LIMD1: variants seen among roughly 807,000 people sequenced by gnomAD.
LIMD1 encodes LIM domain containing 1, also known as LIM domain-containing protein 1.
Under a neutral mutation model 58.4 loss-of-function variants are expected in LIMD1, and 23 were observed. That is an observed-to-expected ratio of 0.39 (90% CI 0.28 to 0.56). The LOEUF (loss-of-function observed/expected upper bound fraction) is 0.56. Among genes scored for constraint, LIMD1 ranks in the 20% least tolerant of loss-of-function variants. The pLI is 0.57. For missense variants in LIMD1, 838 were observed against 855.5 expected (o/e 0.98, Z 0.25); for synonymous variants, 334 against 345.5 (o/e 0.97, Z 0.37).
chr3:45,632,522 C>G (rs62242174), intron 1 of LIMD1: 877 of 985,314 alleles, frequency 8.9e-4, no homozygotes, highest in Non-Finnish European at 1.0e-3. Flanking sequence ...GGGGAACAGA[C>G]ATGTGTGCCC....
At chr3:45,618,792 C>G (rs1304996819) in intron 1 of LIMD1, among the ~76,000 whole-genome samples, 1 of 152,136 alleles carries the variant, frequency 6.6e-6, no homozygotes, top group African/African-American at 2.4e-5. Context: ...CCAAAACCCA[C>G]TGTTTACAGT....
Position 45,673,458 on chromosome 3 carries a change from C to A in LIMD1, c.1777C>A (p.Leu593Met), listed in dbSNP as rs1697620927. Residue 593 changes from leucine to methionine, a missense_variant, in exon 6 of 8, where the codon CTG becomes ATG. Leu to Met is a conservative substitution (Grantham distance 15). Around this residue, in one of 3 missense-constraint regions of LIMD1, gnomAD observed 174 missense variants for 197.4 expected, o/e 0.88. Transcript: ENST00000273317. ...CTGCTTTGTTTCTCCCCACAGGGTG[C>A]TGGCCCCCAAGTGTGCAGCCTGTGG... is the stretch of plus-strand genomic sequence containing the variant. Reference protein sequence around the residue: ...IYCVRDYHKVLAPKCAACGLP... With the variant: ...IYCVRDYHKVMAPKCAACGLP... 6.2e-7 allele frequency: 1 copy of A among 1,613,634 alleles called. No homozygotes were observed. Among genetic ancestry groups the A allele is most frequent in the Non-Finnish European group, 8.5e-7 (1 of 1,179,670 alleles).
chr3:45,621,195 C>CTCCCT (rs764510265), intron 1 of LIMD1, among the ~76,000 whole-genome samples: 78 of 152,032 alleles, frequency 5.1e-4, no homozygotes, highest in Middle Eastern at 3.4e-3. Context: ...GATTGAATTC[C>CTCCCT]TCCCTTCCCC....
chr3:45,665,768 G>A, intron 3 of LIMD1, 51 bp downstream of exon 3: 1 of 1,540,598 alleles, frequency 6.5e-7, no homozygotes. Flanking sequence ...AGAGTCAGAG[G>A]GCAGGGGCCT....
intron 1 of LIMD1, among the ~76,000 whole-genome samples, chr3:45,621,687 A>G (rs990033120): frequency 3.9e-5 from 6 of 152,092 alleles, no homozygotes; most frequent in Non-Finnish European, 5.9e-5. Flanking sequence ...TAATATTTTG[A>G]TGAGTAGTTT....
At chr3:45,641,661 A>G (rs928241846) in intron 2 of LIMD1, among the ~76,000 whole-genome samples, 1 of 152,182 alleles carries the variant, frequency 6.6e-6, no homozygotes, top group African/African-American at 2.4e-5. Context: ...GGGCAAGTCC[A>G]GGGCCTGACT....
chr3:45,659,952 A>G (rs534640553), intron 2 of LIMD1, among the ~76,000 whole-genome samples: 13 of 152,326 alleles, frequency 8.5e-5, no homozygotes, highest in African/African-American at 2.9e-4. Context: ...GATCTCCTGG[A>G]TGAAAAAGCT....
intron 7 of LIMD1, chr3:45,674,685 C>T (rs1008248438): frequency 1.4e-5 from 5 of 351,822 alleles, no homozygotes; most frequent in East Asian, 9.2e-5. Context: ...CTAGGAGGGT[C>T]GTGGAGAGCA....
intron 1 of LIMD1, among the ~76,000 whole-genome samples, chr3:45,617,996 A>AT (rs1422107032): frequency 6.6e-6 from 1 of 151,882 alleles, no homozygotes; most frequent in African/African-American, 2.4e-5. Flanking sequence ...TCGGGATTTT[A>AT]TTTTTTCTGG....
chr3:45,623,880 C>T (rs183336296), intron 1 of LIMD1, among the ~76,000 whole-genome samples: 194 of 152,286 alleles, frequency 1.3e-3, no homozygotes, highest in South Asian at 6.0e-3. Context: ...GTTGGGCATT[C>T]GCACATCGAT....
intron 2 of LIMD1, among the ~76,000 whole-genome samples, chr3:45,650,400 A>G (rs1004819559): frequency 6.6e-6 from 1 of 152,134 alleles, no homozygotes; most frequent in Non-Finnish European, 1.5e-5. Flanking sequence ...GTTTTGTTAC[A>G]TAGGTATACA....
intron 2 of LIMD1, among the ~76,000 whole-genome samples, chr3:45,648,095 A>G (rs984259044): frequency 7.4e-3 from 1 of 136 alleles, no homozygotes; most frequent in South Asian, 0.17. Context: ...CTAGGTGATC[A>G]GTTTTGGGAA....
In LIMD1 at chr3:45,659,981, T is replaced by G. The variant is rs142627697; in HGVS notation, c.1511-5669T>G. Among the ~76,000 whole-genome samples the G allele has an allele frequency of 2.3e-3, 349 of 152,358 alleles. 2 individuals carry two copies. Among genetic ancestry groups the G allele is most frequent in the African/African-American group, 8.3e-3 (345 of 41,582 alleles). ...AAAAGCTTTCGTTTAATTTGTTTCTTAACACTAGAGGGTTCAGTGCTTCTG... is the reference window on the plus strand; with the variant it reads ...AAAAGCTTTCGTTTAATTTGTTTCTGAACACTAGAGGGTTCAGTGCTTCTG... On this transcript the variant is annotated intron_variant, in intron 2 of 7. Transcript: ENST00000273317.
chr3:45,615,496 G>A (rs1026683629), intron 1 of LIMD1, among the ~76,000 whole-genome samples: 1 of 152,208 alleles, frequency 6.6e-6, no homozygotes, highest in African/African-American at 2.4e-5. Flanking sequence ...TGGCTGGGCA[G>A]TAATCCCAGC....
chr3:45,664,541 C>G (rs765619982), intron 2 of LIMD1, among the ~76,000 whole-genome samples: 8 of 152,216 alleles, frequency 5.3e-5, no homozygotes, highest in Non-Finnish European at 8.8e-5. Context: ...AACACTAGAT[C>G]TGGTAGCAAC....
At chr3:45,662,275 A>AAG (rs147911200) in intron 2 of LIMD1, among the ~76,000 whole-genome samples, 38,461 of 128,570 alleles carry the variant, frequency 0.3, 5,985 homozygotes, top group Middle Eastern at 0.44. Context: ...TGTTTCACCT[A>AAG]AGTGTGTGTG....
At chr3:45,627,021 A>AG (rs1701673877) in intron 1 of LIMD1, among the ~76,000 whole-genome samples, 3 of 152,198 alleles carry the variant, frequency 2.0e-5, no homozygotes, top group African/African-American at 7.2e-5. Context: ...GATCTTTCAA[A>AG]AATCCACTGT....
At chr3:45,671,468 T>C (rs557340749) in intron 4 of LIMD1, among the ~76,000 whole-genome samples, 11 of 152,338 alleles carry the variant, frequency 7.2e-5, no homozygotes, top group African/African-American at 2.6e-4. Flanking sequence ...GTACATTCTT[T>C]GCAGATGCAT....
chr3:45,607,040 C>T (rs1428815441), intron 1 of LIMD1, among the ~76,000 whole-genome samples: 5 of 152,118 alleles, frequency 3.3e-5, no homozygotes, highest in African/African-American at 4.8e-5. Context: ...GTGATCCACC[C>T]GCCTTGGCCT....
Sources: gnomAD v4.1 joint callset for allele counts (sites outside exome capture counted in the v4.1 genomes callset) on GRCh38, gnomAD v4.1.1 for gene constraint, gnomAD v4.1.1 regional missense constraint, MANE v1.5 for transcripts, NCBI Gene and HGNC (gene_info 2026-07-23, HGNC 2026-07-21) for gene names.